MECOM: variants seen among roughly 807,000 people sequenced by gnomAD.
The protein encoded by MECOM is MDS1 and EVI1 complex locus, also known as histone-lysine N-methyltransferase MECOM.
Under a neutral mutation model 116.3 loss-of-function variants are expected in MECOM, and 13 were observed. The observed-to-expected ratio is 0.11, with a 90% confidence interval of 0.07 to 0.18. MECOM has a LOEUF of 0.18. MECOM is among the 10% of genes least tolerant of loss of function. The pLI is 1.00. For synonymous variants in MECOM, 528 were observed against 535.2 expected, an observed-to-expected ratio of 0.99 and a Z score of 0.19; for missense variants, 1,299 against 1,509.0, an observed-to-expected ratio of 0.86 and a Z score of 2.31.
At position 169,303,239 on chromosome 3, in the gene MECOM, A is replaced by G. The variant is rs146539439; in HGVS notation, c.375+77948T>C. On this transcript the variant is annotated intron_variant, in intron 2 of 16. Coordinates refer to ENST00000651503, the MANE Select transcript of MECOM (RefSeq NM_004991.4). The stretch of plus-strand genomic sequence containing the variant: ...AACTTCCCCCTTCCCACAAAACAAG[A>G]AAGTTCCTTGCCATTCTTTCCTCTC... Among the ~76,000 whole-genome samples, 237 of 152,292 alleles carry G rather than the reference A, an allele frequency of 1.6e-3. 1 individual carries two copies. The highest frequency in any genetic ancestry group is 5.6e-3 in the African/African-American group (232 of 41,552).
At chr3:169,184,518 AT>A (rs11371051) in intron 2 of MECOM, among the ~76,000 whole-genome samples, 3 of 151,916 alleles carry the variant, frequency 2.0e-5, no homozygotes, top group South Asian at 4.2e-4. Context: ...TGCAGAATAC[AT>A]TTTTTTTCCT....
chr3:169,408,192 A>T (rs1198371824), intron 1 of MECOM, among the ~76,000 whole-genome samples: 1 of 152,226 alleles, frequency 6.6e-6, no homozygotes, highest in Admixed American at 6.5e-5. Flanking sequence ...TTCCGAGAAC[A>T]GTATAAAAAT....
At chr3:169,346,480 A>ATAATATTCTTAATAATAC (rs1725371327) in intron 2 of MECOM, among the ~76,000 whole-genome samples, 1 of 152,048 alleles carries the variant, frequency 6.6e-6, no homozygotes, top group Non-Finnish European at 1.5e-5. Flanking sequence ...ATTATTCTTA[A>ATAATATTCTTAATAATAC]TGTACTACAG....
chr3:169,133,958 CCAA>C (rs767147778), intron 3 of MECOM: 12 of 1,289,332 alleles, frequency 9.3e-6, no homozygotes, highest in Middle Eastern at 2.1e-4. Context: ...AGCTTCCTTT[CCAA>C]CAACATGTTG....
At chr3:169,596,813 AT>A (rs543813646) in intron 1 of MECOM, among the ~76,000 whole-genome samples, 1 of 152,212 alleles carries the variant, frequency 6.6e-6, no homozygotes, top group Non-Finnish European at 1.5e-5. Context: ...CAATATAAAT[AT>A]CTTATAGTTA....
At chr3:169,191,825 A>G (rs1805249) in intron 2 of MECOM, among the ~76,000 whole-genome samples, 124,763 of 151,034 alleles carry the variant, frequency 0.83, 52,005 homozygotes, top group East Asian at 0.94. Flanking sequence ...TTGCTGTGTA[A>G]TAAACAGAGG....
At chr3:169,252,660 A>G (rs1040132474) in intron 2 of MECOM, among the ~76,000 whole-genome samples, 8 of 152,108 alleles carry the variant, frequency 5.3e-5, no homozygotes, top group Admixed American at 4.6e-4. Flanking sequence ...AATCTGACAC[A>G]CCAAACCTGT....
chr3:169,344,079 TG>T (rs1724979044), intron 2 of MECOM, among the ~76,000 whole-genome samples: 1 of 152,126 alleles, frequency 6.6e-6, no homozygotes, highest in South Asian at 2.1e-4. Context: ...TATTTTCCTT[TG>T]GGATAAAAAA....
chr3:169,368,402 T>G (rs1729533147), intron 2 of MECOM, among the ~76,000 whole-genome samples: 1 of 152,056 alleles, frequency 6.6e-6, no homozygotes, highest in Non-Finnish European at 1.5e-5. Flanking sequence ...TAAATAAACT[T>G]TGAGATGTTA....
intron 1 of MECOM, chr3:169,484,100 T>C (rs1400778149): frequency 1.2e-6 from 1 of 865,286 alleles, no homozygotes; most frequent in Admixed American, 2.1e-5. Flanking sequence ...GTTATTCTGT[T>C]ATATTTCAAT....
At chr3:169,444,364 C>T (rs577111054) in intron 1 of MECOM, among the ~76,000 whole-genome samples, 9 of 152,286 alleles carry the variant, frequency 5.9e-5, no homozygotes, top group South Asian at 2.1e-4. Flanking sequence ...AGAATTCCCA[C>T]GCATTGTCCG....
At chr3:169,314,669 A>G (rs1349550104) in intron 2 of MECOM, among the ~76,000 whole-genome samples, 1 of 152,208 alleles carries the variant, frequency 6.6e-6, no homozygotes, top group African/African-American at 2.4e-5. Flanking sequence ...AAAGAAGAGA[A>G]TAAAACAGAG....
intron 2 of MECOM, among the ~76,000 whole-genome samples, chr3:169,311,683 CTT>C (rs11476124): frequency 6.7e-6 from 1 of 150,226 alleles, no homozygotes; most frequent in Non-Finnish European, 1.5e-5. Context: ...ACATTTTACT[CTT>C]TTTTTTTTGT....
Position 169,134,050 on chromosome 3 carries a change from A to G in MECOM, c.511-2519T>C. ...GGTTAAAGAGACAATACCCTACAAG[A>G]CAGTAAAACAGTGCAATTGTCTCTA... On this transcript the variant is annotated intron_variant, in intron 3 of 16. Coordinates refer to ENST00000651503, the MANE Select transcript of MECOM (RefSeq NM_004991.4). 4 of 770,174 alleles carry G rather than the reference A, an allele frequency of 5.2e-6. No homozygotes were observed. In the South Asian group the frequency reaches 6.1e-5, roughly 12 times the overall value. The allele number at this position is 770,174 out of a possible 1,614,324, so 47.7% of individuals were successfully genotyped here. A position where few individuals can be genotyped will look rare whatever the true frequency, so the allele number is the denominator to read the frequency against.
intron 9 of MECOM, among the ~76,000 whole-genome samples, chr3:169,112,276 T>C (rs553309165): frequency 1.3e-5 from 2 of 152,298 alleles, no homozygotes; most frequent in South Asian, 4.1e-4. Flanking sequence ...GCACTGTGCA[T>C]TGTGGTGAAT....
At chr3:169,641,181 C>G (rs887885769) in intron 1 of MECOM, among the ~76,000 whole-genome samples, 1 of 152,088 alleles carries the variant, frequency 6.6e-6, no homozygotes, top group Non-Finnish European at 1.5e-5. Flanking sequence ...GGTGAAAAAC[C>G]CAGAACAGAG....
chr3:169,270,981 A>T (rs891558720), intron 2 of MECOM, among the ~76,000 whole-genome samples: 2 of 152,196 alleles, frequency 1.3e-5, no homozygotes, highest in Non-Finnish European at 2.9e-5. Context: ...CAAGAGTTTG[A>T]GTCCTTCTTG....
At chr3:169,257,634 T>C (rs1757009127) in intron 2 of MECOM, among the ~76,000 whole-genome samples, 1 of 152,224 alleles carries the variant, frequency 6.6e-6, no homozygotes, top group African/African-American at 2.4e-5. Flanking sequence ...TTTGGGGCTA[T>C]GGCAACTCAG....
At chr3:169,519,944 A>G (rs1371656029) in intron 1 of MECOM, among the ~76,000 whole-genome samples, 2 of 152,244 alleles carry the variant, frequency 1.3e-5, no homozygotes, top group Non-Finnish European at 2.9e-5. Flanking sequence ...TGCCTGGCCA[A>G]TAGAAGCATT....
Sources: allele counts gnomAD v4.1 joint callset (sites outside exome capture counted in the v4.1 genomes callset), GRCh38; gene constraint gnomAD v4.1.1; transcripts MANE v1.5; gene names NCBI Gene and HGNC (gene_info 2026-07-23, HGNC 2026-07-21).